ATRNL1: variants seen among roughly 807,000 people sequenced by gnomAD.
The protein encoded by ATRNL1 is attractin like 1, also known as attractin-like protein 1.
Under a neutral mutation model 182.7 loss-of-function variants are expected in ATRNL1, and 95 were observed. That is an observed-to-expected ratio of 0.52 (90% CI 0.44 to 0.62). The LOEUF is 0.62. Among genes scored for constraint, ATRNL1 ranks in the 20% least tolerant of loss-of-function variants. The probability of loss-of-function intolerance (pLI) is 0.00; values close to 1 mark genes in which losing one functional copy is unlikely to be tolerated. For synonymous variants in ATRNL1, 576 were observed against 568.3 expected (o/e 1.01, Z -0.19); for missense variants, 1,471 against 1,679.5 (o/e 0.88, Z 2.17).
intron 26 of ATRNL1, among the ~76,000 whole-genome samples, chr10:115,687,146 A>G (rs1325262761): frequency 3.3e-5 from 5 of 152,096 alleles, no homozygotes; most frequent in Non-Finnish European, 7.4e-5. Flanking sequence ...TTAAGTATAT[A>G]ATACATTAAC....
At chr10:115,368,870 C>T (rs948199051) in intron 19 of ATRNL1, among the ~76,000 whole-genome samples, 34 of 152,052 alleles carry the variant, frequency 2.2e-4, no homozygotes, top group South Asian at 1.2e-3. Flanking sequence ...CCCACCACCA[C>T]GCCTGGCTAA....
chr10:115,678,320 G>A (rs1202339240), intron 26 of ATRNL1, among the ~76,000 whole-genome samples: 4 of 151,976 alleles, frequency 2.6e-5, no homozygotes, highest in African/African-American at 7.2e-5. Context: ...ACTAATATAA[G>A]TACAATTGAA....
intron 18 of ATRNL1, among the ~76,000 whole-genome samples, chr10:115,322,041 G>A (rs1294369615): frequency 3.3e-5 from 5 of 151,774 alleles, no homozygotes; most frequent in Admixed American, 6.6e-5. Context: ...AAATACTTAG[G>A]AATAAATTTA....
intron 5 of ATRNL1, among the ~76,000 whole-genome samples, chr10:115,150,018 A>G (rs190858659): frequency 1.3e-4 from 20 of 151,380 alleles, no homozygotes; most frequent in African/African-American, 4.6e-4. Flanking sequence ...TGATCTTTTC[A>G]GTTTTTAATG....
chr10:115,292,520 G>A (rs1478669610), intron 15 of ATRNL1, among the ~76,000 whole-genome samples: 1 of 151,082 alleles, frequency 6.6e-6, no homozygotes, highest in South Asian at 2.1e-4. Context: ...TTCCCTTTCA[G>A]TACTCCTTTT....
chr10:115,475,292 T>A (rs1389539479), intron 24 of ATRNL1, among the ~76,000 whole-genome samples: 1 of 151,544 alleles, frequency 6.6e-6, no homozygotes, highest in Non-Finnish European at 1.5e-5. Flanking sequence ...ACTATTTTAA[T>A]TATGCATGAA....
At chr10:115,400,084 G>GA (rs1448630578) in intron 20 of ATRNL1, among the ~76,000 whole-genome samples, 1 of 151,850 alleles carries the variant, frequency 6.6e-6, no homozygotes, top group African/African-American at 2.4e-5. Context: ...AAATTTACAA[G>GA]AAAAAACCAA....
chr10:115,406,105 G>T (rs1234155202), intron 20 of ATRNL1, among the ~76,000 whole-genome samples: 1 of 151,808 alleles, frequency 6.6e-6, no homozygotes, highest in Admixed American at 6.6e-5. Context: ...TTGGACATTT[G>T]GGTTAGTTCC....
At chr10:115,267,466 G>A (rs1554911238) in intron 12 of ATRNL1, among the ~76,000 whole-genome samples, 1 of 151,222 alleles carries the variant, frequency 6.6e-6, no homozygotes, top group Non-Finnish European at 1.5e-5. Context: ...CTTATAAAAT[G>A]GTGAATAAAT....
chr10:115,292,518 C>T lies in ATRNL1; in HGVS notation c.2415+6121C>T, dbSNP rs375814371. On this transcript the variant is annotated intron_variant, in intron 15 of 28. Coordinates refer to ENST00000355044, the MANE Select transcript of ATRNL1 (RefSeq NM_207303.4). ...TGTTTATTACTATAAACTTCCCTTT[C>T]AGTACTCCTTTTGCTATATCCTATA... Among the ~76,000 whole-genome samples the T allele has an allele frequency of 6.7e-4, 102 of 151,700 alleles. 2 individuals carry two copies. The South Asian group carries it at 0.021, about 31-fold the overall frequency.
intron 13 of ATRNL1, among the ~76,000 whole-genome samples, chr10:115,272,808 G>T (rs1446027121): frequency 6.6e-6 from 1 of 152,156 alleles, no homozygotes; most frequent in African/African-American, 2.4e-5. Flanking sequence ...CTTGACAATT[G>T]TAGGGAACAT....
At chr10:115,927,526 C>T (rs1953272066) in intron 28 of ATRNL1, among the ~76,000 whole-genome samples, 1 of 151,996 alleles carries the variant, frequency 6.6e-6, no homozygotes, top group Non-Finnish European at 1.5e-5. Context: ...GTAGGGAAGT[C>T]CTTTCCAAAC....
chr10:115,100,495 A>G (rs186499477), intron 1 of ATRNL1, among the ~76,000 whole-genome samples: 1 of 152,064 alleles, frequency 6.6e-6, no homozygotes, highest in African/African-American at 2.4e-5. Flanking sequence ...TTGTTTTAGC[A>G]CTATTTGTTG....
intron 28 of ATRNL1, 143 bp downstream of exon 28, chr10:115,848,134 T>G: frequency 1.7e-6 from 1 of 603,890 alleles, no homozygotes; most frequent in Admixed American, 2.8e-5. Context: ...GAATACAAAC[T>G]TTTACCCAAC....
intron 7 of ATRNL1, among the ~76,000 whole-genome samples, chr10:115,170,384 A>G (rs933136026): frequency 6.6e-5 from 10 of 152,164 alleles, no homozygotes; most frequent in Non-Finnish European, 1.2e-4. Flanking sequence ...AATAATTTGT[A>G]TAATTTAAAA....
chr10:115,686,049 A>C (rs1946207507), intron 26 of ATRNL1, among the ~76,000 whole-genome samples: 1 of 151,670 alleles, frequency 6.6e-6, no homozygotes, highest in African/African-American at 2.4e-5. Context: ...GAAGTTTAGG[A>C]AAATTAGAAC....
At chr10:115,802,021 A>AGCACACACACACACACACACACACAC (rs1949805669) in intron 27 of ATRNL1, among the ~76,000 whole-genome samples, 1 of 125,964 alleles carries the variant, frequency 7.9e-6, no homozygotes, top group Non-Finnish European at 1.6e-5. Context: ...AAAAAAAAGA[A>AGCACACACACACACACACACACACAC]ACACACACAC....
At chr10:115,701,325 A>G (rs575096232) in intron 26 of ATRNL1, among the ~76,000 whole-genome samples, 3 of 152,194 alleles carry the variant, frequency 2.0e-5, no homozygotes, top group South Asian at 4.1e-4. Flanking sequence ...GAGGAAGCTT[A>G]TAGTGCTAAA....
intron 5 of ATRNL1, among the ~76,000 whole-genome samples, chr10:115,142,837 T>G (rs1349857787): frequency 3.3e-5 from 5 of 152,070 alleles, no homozygotes; most frequent in Non-Finnish European, 5.9e-5. Context: ...ATGGTCTAGA[T>G]GTGGGGGGTG....
Sources: gnomAD v4.1 joint callset for allele counts (sites outside exome capture counted in the v4.1 genomes callset) on GRCh38, gnomAD v4.1.1 for gene constraint, MANE v1.5 for transcripts, NCBI Gene and HGNC (gene_info 2026-07-23, HGNC 2026-07-21) for gene names.